Variants in DYSF observed in about 807,000 individuals in gnomAD.
DYSF encodes dystrophy-associated fer-1-like 1.
Under a neutral mutation model 274.9 loss-of-function variants are expected in DYSF, and 212 were observed. That is an observed-to-expected ratio of 0.77 (90% CI 0.69 to 0.86). The LOEUF is 0.86. Ranked by LOEUF, DYSF falls within the 40% of genes least tolerant of loss-of-function variation. The pLI, the probability that DYSF is intolerant of heterozygous loss-of-function variation, is 0.00. For synonymous variants in DYSF, 1,091 were observed against 1,078.7 expected (o/e 1.01, Z -0.22); for missense variants, 2,666 against 2,783.2 (o/e 0.96, Z 0.95).
At chr2:71,564,833 T>G (rs1263621472) in intron 24 of DYSF, among the ~76,000 whole-genome samples, 6 of 152,170 alleles carry the variant, frequency 3.9e-5, no homozygotes, top group Non-Finnish European at 8.8e-5. Context: ...GTCACCAGCT[T>G]TGGGGACGGG....
intron 3 of DYSF, among the ~76,000 whole-genome samples, chr2:71,489,529 G>A (rs1460808923): frequency 1.3e-5 from 2 of 152,242 alleles, no homozygotes; most frequent in South Asian, 4.1e-4. Context: ...CTGGGCGGAG[G>A]CAAGGGTGGC....
intron 22 of DYSF, among the ~76,000 whole-genome samples, chr2:71,557,992 C>T (rs1318889205): frequency 6.6e-6 from 1 of 151,764 alleles, no homozygotes; most frequent in African/African-American, 2.4e-5. Flanking sequence ...AGATTGTGCC[C>T]CTACACTCCA....
intron 36 of DYSF, among the ~76,000 whole-genome samples, chr2:71,608,737 G>A (rs988849331): frequency 1.4e-5 from 2 of 144,640 alleles, no homozygotes; most frequent in Non-Finnish European, 1.5e-5. Flanking sequence ...GGAGCTCGAG[G>A]GAGCCCCGAG....
chr2:71,617,861 TGTGTGTGGTAGAGGTGGG>T, intron 40 of DYSF, among the ~76,000 whole-genome samples: 2 of 70,610 alleles, frequency 2.8e-5, no homozygotes, highest in Non-Finnish European at 3.2e-5. Flanking sequence ...ATGGGGTGTG[TGTGTGTGGTAGAGGTGGG>T]GTGTGTGTGG....
rs1558800113 is a variant in DYSF at position 71,674,217 on chromosome 2, C to A, written c.5805C>A (p.Asp1935Glu). 6 of 1,614,216 alleles carry A rather than the reference C, an allele frequency of 3.7e-6. No individual in the cohort carries two copies. The highest frequency in any genetic ancestry group is 5.1e-6 in the Non-Finnish European group (6 of 1,180,036). The change falls in exon 52 of 56, where the codon GAC becomes GAA. Residue 1935 changes from aspartate to glutamate, a missense_variant. Physicochemically the swap from Asp to Glu is conservative, Grantham distance 45. Coordinates refer to ENST00000410020, the MANE Select transcript of DYSF (RefSeq NM_001130987.2). ...GTCAGGATGCCTTCTGGAGGCTGGA[C>A]AAGACTGAGAGCAAAATCCCAGCAC... ...IAKKDAFWRL[D>E]KTESKIPARV...
At chr2:71,573,493 G>A (rs1188163089) in intron 29 of DYSF, among the ~76,000 whole-genome samples, 2 of 152,170 alleles carry the variant, frequency 1.3e-5, no homozygotes, top group Non-Finnish European at 2.9e-5. Flanking sequence ...ACTCCCTTCA[G>A]GCCCAGGAAA....
At chr2:71,599,764 G>T (rs1243646853) in intron 33 of DYSF, among the ~76,000 whole-genome samples, 1 of 152,248 alleles carries the variant, frequency 6.6e-6, no homozygotes, top group Non-Finnish European at 1.5e-5. Context: ...AGTAAGAGTT[G>T]CCCTGACCAG....
At chr2:71,530,794 C>T (rs13430473) in intron 14 of DYSF, among the ~76,000 whole-genome samples, 69 of 152,228 alleles carry the variant, frequency 4.5e-4, no homozygotes, top group African/African-American at 1.3e-3. Context: ...CTGCCTGTCC[C>T]TCTCTTTTAG....
chr2:71,636,652 G>A (rs1243592321), intron 41 of DYSF, among the ~76,000 whole-genome samples: 1 of 152,142 alleles, frequency 6.6e-6, no homozygotes, highest in African/African-American at 2.4e-5. Flanking sequence ...ATGGGCAGCT[G>A]GAGTCCAGGG....
At chr2:71,532,757 T>C (rs1416670783) in intron 14 of DYSF, among the ~76,000 whole-genome samples, 3 of 152,198 alleles carry the variant, frequency 2.0e-5, no homozygotes, top group Admixed American at 2.0e-4. Flanking sequence ...GCAGAGCTGC[T>C]CAGCTGGGTC....
intron 1 of DYSF, among the ~76,000 whole-genome samples, chr2:71,468,554 T>A (rs1478024221): frequency 1.3e-5 from 2 of 152,180 alleles, no homozygotes; most frequent in Non-Finnish European, 2.9e-5. Context: ...TCCCCCCAGA[T>A]CTCTGTATTC....
chr2:71,526,405 T>TG, intron 13 of DYSF, 59 bp downstream of exon 13: 4 of 370,278 alleles, frequency 1.1e-5, no homozygotes, highest in East Asian at 1.1e-4. Context: ...GCAGGGCTGG[T>TG]GGGGGTGGGC....
intron 18 of DYSF, among the ~76,000 whole-genome samples, 155 bp from the exon 19 acceptor site, chr2:71,551,452 G>A (rs2090936619): frequency 1.3e-5 from 2 of 152,324 alleles, no homozygotes; most frequent in African/African-American, 4.8e-5. Flanking sequence ...CGAACTCTCT[G>A]GGCCATGCTT....
intron 41 of DYSF, 38 bp from the exon 42 acceptor site, chr2:71,643,927 C>A (rs779399429): frequency 1.3e-6 from 2 of 1,524,322 alleles, no homozygotes; most frequent in Non-Finnish European, 1.8e-6. Context: ...TTGGCGAGTC[C>A]TGTTTCTGAA....
chr2:71,551,771 T>C (rs1380108544), intron 19 of DYSF, 51 bp downstream of exon 19: 2 of 1,465,428 alleles, frequency 1.4e-6, no homozygotes, highest in African/African-American at 2.8e-5. Context: ...AGGGAAGGGA[T>C]GGCCAGGCTG....
At chr2:71,619,556 T>C (rs571014811) in intron 40 of DYSF, among the ~76,000 whole-genome samples, 3 of 152,280 alleles carry the variant, frequency 2.0e-5, no homozygotes, top group African/African-American at 7.2e-5. Context: ...GTTTCGCCCC[T>C]TGGAGTCCTC....
intron 41 of DYSF, among the ~76,000 whole-genome samples, chr2:71,637,963 A>G (rs1372680474): frequency 2.0e-5 from 3 of 152,138 alleles, no homozygotes; most frequent in African/African-American, 4.8e-5. Context: ...GTCATAGGCC[A>G]TTCGTCTCAG....
At chr2:71,678,323 A>G (rs1468637803) in intron 52 of DYSF, among the ~76,000 whole-genome samples, 1 of 152,210 alleles carries the variant, frequency 6.6e-6, no homozygotes, top group Non-Finnish European at 1.5e-5. Context: ...TATGCCTAGA[A>G]TGGAATCTTA....
intron 42 of DYSF, among the ~76,000 whole-genome samples, chr2:71,649,451 G>A (rs2094619559): frequency 6.6e-6 from 1 of 152,142 alleles, no homozygotes; most frequent in African/African-American, 2.4e-5. Flanking sequence ...AGATATTCTT[G>A]TCTAAAACTG....
Sources: gnomAD v4.1 joint callset for allele counts (sites outside exome capture counted in the v4.1 genomes callset) on GRCh38, gnomAD v4.1.1 for gene constraint, MANE v1.5 for transcripts, NCBI Gene and HGNC (gene_info 2026-07-23, HGNC 2026-07-21) for gene names.